HEPHL1: variants seen among roughly 807,000 people sequenced by gnomAD.
HEPHL1 encodes hephaestin like 1.
Under a neutral mutation model 122.0 loss-of-function variants are expected in HEPHL1, and 123 were observed. The observed-to-expected ratio is 1.01, with a 90% CI of 0.87 to 1.17. HEPHL1 has a LOEUF of 1.17. HEPHL1 is among the 50% of genes most tolerant of loss of function. HEPHL1 has a pLI of 0.00. For synonymous variants in HEPHL1, 527 were observed against 508.9 expected, an observed-to-expected ratio of 1.04 and a Z score of -0.48; for missense variants, 1,452 against 1,430.5, an observed-to-expected ratio of 1.01 and a Z score of -0.24.
At position 94,095,649 on chromosome 11, in the gene HEPHL1, C is replaced by T. The variant is rs55947589; in HGVS notation, c.2434+2009C>T. On this transcript the variant is annotated intron_variant, in intron 13 of 19. Transcript: ENST00000315765. ...TTTTCATGATATTGATTCTTCCTATCCATGAGCATGGAATATTCTTCTGTT... is the reference window on the plus strand; with the variant it reads ...TTTTCATGATATTGATTCTTCCTATTCATGAGCATGGAATATTCTTCTGTT... Among the ~76,000 whole-genome samples, 615 of 152,290 alleles carry T rather than the reference C, an allele frequency of 4.0e-3. 5 individuals carry two copies. Among genetic ancestry groups the T allele is most frequent in the African/African-American group, 0.014 (582 of 41,556 alleles).
intron 2 of HEPHL1, among the ~76,000 whole-genome samples, chr11:94,046,626 C>T (rs1945842119): frequency 6.7e-6 from 1 of 150,342 alleles, no homozygotes; most frequent in South Asian, 2.2e-4. Context: ...GAAGCTGATC[C>T]CCACTCCTTG....
chr11:94,021,521 A>G lies in HEPHL1; in HGVS notation c.153A>G (p.Lys51=), dbSNP rs529823908. ...VPQGKNVITG[K]SFTEDKLATL... ...AAGGGAAGAATGTTATTACTGGGAA[A>G]AGTTTCACAGAAGACAAGTGAGTGA... Residue 51 remains lysine (K), a synonymous_variant, in exon 1 of 20, where the codon AAA becomes AAG. Transcript: ENST00000315765. 6.2e-6 allele frequency: 10 copies of G among 1,609,284 alleles called. No homozygotes were observed. The South Asian group carries it at 1.0e-4, about 16-fold the overall frequency.
At position 94,021,842 on chromosome 11, in the gene HEPHL1, G is replaced by A. The variant is rs150859339; in HGVS notation, c.170+304G>A. 7.5e-4 allele frequency among the ~76,000 whole-genome samples: 114 copies of A among 152,234 alleles called. 1 individual carries two copies. Among genetic ancestry groups the A allele is most frequent in the African/African-American group, 2.6e-3 (109 of 41,538 alleles). On this transcript the variant is annotated intron_variant, in intron 1 of 19. Coordinates refer to ENST00000315765, the MANE Select transcript of HEPHL1 (RefSeq NM_001098672.2). Reference sequence around the variant, plus strand: ...TAGTAACTTCTGGGGGATTCTGTTTGTTTGTTTGTTTTTAAATGACAACAC... The same window carrying A: ...TAGTAACTTCTGGGGGATTCTGTTTATTTGTTTGTTTTTAAATGACAACAC...
intron 11 of HEPHL1, among the ~76,000 whole-genome samples, chr11:94,087,941 C>T (rs1946231761): frequency 6.6e-6 from 1 of 152,112 alleles, no homozygotes; most frequent in Non-Finnish European, 1.5e-5. Context: ...ACACTCATCC[C>T]TCACCTCTAA....
chr11:94,082,915 C>T (rs1029772004), intron 10 of HEPHL1, among the ~76,000 whole-genome samples: 2 of 151,984 alleles, frequency 1.3e-5, no homozygotes, highest in South Asian at 4.2e-4. Context: ...ATGGTGAAAC[C>T]CCGTCTCTAC....
intron 1 of HEPHL1, among the ~76,000 whole-genome samples, chr11:94,024,759 TG>T (rs1945609854): frequency 6.6e-6 from 1 of 152,122 alleles, no homozygotes; most frequent in South Asian, 2.1e-4. Flanking sequence ...AATTGCTTGA[TG>T]TACATTAGTC....
At chr11:94,089,087 G>A in intron 12 of HEPHL1, 119 bp downstream of exon 12, 1 of 930,326 alleles carries the variant, frequency 1.1e-6, no homozygotes, top group African/African-American at 1.6e-5. Context: ...GGCCGACAGA[G>A]ACTTTTACTT....
In HEPHL1 at chr11:94,100,633, G is replaced by A. The variant is rs955206839; in HGVS notation, c.2435-562G>A. 2.0e-5 allele frequency among the ~76,000 whole-genome samples: 3 copies of A among 152,148 alleles called. No homozygotes were observed. The East Asian group carries it at 5.8e-4, about 29-fold the overall frequency. On this transcript the variant is annotated intron_variant, in intron 13 of 19. Coordinates refer to ENST00000315765, the MANE Select transcript of HEPHL1 (RefSeq NM_001098672.2). ...GATTTTATTTCCCTCTACTCTTTCA[G>A]ATTCCTTTTACACACATTATTTCAT...
At chr11:94,045,116 C>A (rs1278511681) in intron 1 of HEPHL1, among the ~76,000 whole-genome samples, 1 of 152,148 alleles carries the variant, frequency 6.6e-6, no homozygotes, top group Non-Finnish European at 1.5e-5. Flanking sequence ...CTATGTTGCC[C>A]AGGCTGGTCT....
chr11:94,046,091 C>CTTTTTTTTTTATT (rs1555059416), intron 2 of HEPHL1, among the ~76,000 whole-genome samples, 174 bp downstream of exon 2: 1 of 65,048 alleles, frequency 1.5e-5, no homozygotes, highest in African/African-American at 6.4e-5. Context: ...CCCTTTCTTG[C>CTTTTTTTTTTATT]TTTTTTTTTT....
rs529322868 is a variant in HEPHL1 at position 94,035,851 on chromosome 11, C to T, written c.171-9822C>T. 8.5e-5 allele frequency among the ~76,000 whole-genome samples: 13 copies of T among 152,312 alleles called. No homozygotes were observed. The South Asian group carries it at 2.7e-3, about 32-fold the overall frequency. On this transcript the variant is annotated intron_variant, in intron 1 of 19. Coordinates refer to ENST00000315765, the MANE Select transcript of HEPHL1 (RefSeq NM_001098672.2). ...TCCTGGGTTCACGCCATTCTCCTGACTCAGCCTCCTGAGTAGCTGGGACTA... is the reference window on the plus strand; with the variant it reads ...TCCTGGGTTCACGCCATTCTCCTGATTCAGCCTCCTGAGTAGCTGGGACTA...
At chr11:94,096,078 G>A (rs866374569) in intron 13 of HEPHL1, among the ~76,000 whole-genome samples, 37 of 152,186 alleles carry the variant, frequency 2.4e-4, no homozygotes, top group Admixed American at 5.9e-4. Flanking sequence ...TGGTGAGAGA[G>A]GGCATCCCTG....
In HEPHL1 at chr11:94,021,381, C is replaced by A; in HGVS notation, c.13C>A (p.Gln5Lys). 6.2e-7 allele frequency: 1 copy of A among 1,612,208 alleles called. No individual in the cohort carries two copies. Among genetic ancestry groups the A allele is most frequent in the Non-Finnish European group, 8.5e-7 (1 of 1,179,152 alleles). MPRKQPAGCIFLLTF... is the reference protein window; with the variant it reads MPRKKPAGCIFLLTF... ...GTTACATCCACAAATGCCTCGGAAG[C>A]AGCCAGCTGGCTGCATCTTTCTCCT... Residue 5 changes from glutamine to lysine, a missense_variant, in exon 1 of 20, where the codon CAG (glutamine) becomes AAG (lysine). Gln to Lys is a moderately conservative substitution (Grantham distance 53). Transcript: ENST00000315765.
At chr11:94,035,719 G>A (rs1945714580) in intron 1 of HEPHL1, among the ~76,000 whole-genome samples, 1 of 152,084 alleles carries the variant, frequency 6.6e-6, no homozygotes, top group Non-Finnish European at 1.5e-5. Flanking sequence ...CCTCCAGAGT[G>A]GTCATGAAAG....
chr11:94,056,560 C>T (rs769561195), intron 2 of HEPHL1, among the ~76,000 whole-genome samples: 4 of 151,876 alleles, frequency 2.6e-5, no homozygotes, highest in African/African-American at 4.8e-5. Context: ...GTAATATGCA[C>T]CCTAGTTTAT....
rs1406245556 is a variant in HEPHL1 at position 94,063,419 on chromosome 11, T to C, written c.416-89T>C. 3 of 1,024,228 alleles carry C rather than the reference T, an allele frequency of 2.9e-6. No individual in the cohort carries two copies. In the East Asian group the frequency reaches 7.8e-5, roughly 27 times the overall value. 63.4% of individuals were successfully genotyped at this position (1,024,228 alleles called of 1,614,324 possible). A position where few individuals can be genotyped will look rare whatever the true frequency, so the allele number is the denominator to read the frequency against. On this transcript the variant is annotated intron_variant, in intron 2 of 19. Coordinates refer to ENST00000315765, the MANE Select transcript of HEPHL1 (RefSeq NM_001098672.2). Reference sequence around the variant, plus strand: ...TAAATTTTAATTCAGTTATGTTTGATTCCAAAGCTCTGGCCCTCTCTACTA... The same window carrying C: ...TAAATTTTAATTCAGTTATGTTTGACTCCAAAGCTCTGGCCCTCTCTACTA...
At chr11:94,094,312 T>A (rs1012431652) in intron 13 of HEPHL1, among the ~76,000 whole-genome samples, 86 of 152,180 alleles carry the variant, frequency 5.7e-4, no homozygotes, top group Non-Finnish European at 1.0e-3. Context: ...TCTATGTCCC[T>A]ACAAAGGACA....
intron 5 of HEPHL1, among the ~76,000 whole-genome samples, chr11:94,070,033 A>C (rs1188374412): frequency 1.3e-5 from 2 of 152,146 alleles, no homozygotes; most frequent in African/African-American, 4.8e-5. Flanking sequence ...AGGTTTGAGT[A>C]CTATTTGAGT....
intron 8 of HEPHL1, 119 bp from the exon 9 acceptor site, chr11:94,075,055 C>T (rs1204744740): frequency 2.6e-6 from 2 of 774,244 alleles, no homozygotes; most frequent in African/African-American, 1.7e-5. Context: ...GAGAAAACCA[C>T]TCTCCTGGTA....
Sources: gnomAD v4.1 joint callset for allele counts (sites outside exome capture counted in the v4.1 genomes callset) on GRCh38, gnomAD v4.1.1 for gene constraint, MANE v1.5 for transcripts, NCBI Gene and HGNC (gene_info 2026-07-23, HGNC 2026-07-21) for gene names.